Variants in BUB1B observed in about 807,000 individuals in gnomAD.
BUB1B encodes mitotic checkpoint serine/threonine-protein kinase BUB1 beta.
A neutral mutation model predicts 137.7 loss-of-function variants in BUB1B; 86 were observed. That is an observed-to-expected ratio of 0.62 (90% CI 0.52 to 0.75). BUB1B has a LOEUF of 0.75. Ranked by LOEUF, BUB1B falls within the 30% of genes least tolerant of loss-of-function variation. BUB1B has a pLI of 0.00. For synonymous variants in BUB1B, 420 were observed against 417.9 expected (o/e 1.00, Z -0.06); for missense variants, 1,130 against 1,236.9 (o/e 0.91, Z 1.30).
At chr15:40,182,647 A>C (rs1416619394) in intron 5 of BUB1B, among the ~76,000 whole-genome samples, 1 of 152,188 alleles carries the variant, frequency 6.6e-6, no homozygotes, top group Non-Finnish European at 1.5e-5. Flanking sequence ...GCATAGCTCA[A>C]GAGGGAACCT....
intron 1 of BUB1B, among the ~76,000 whole-genome samples, chr15:40,162,147 A>T (rs2037049557): frequency 6.6e-6 from 1 of 152,190 alleles, no homozygotes. Flanking sequence ...CACTGAGGAG[A>T]TGTCACTTTG....
At chr15:40,216,890 T>C (rs1038707257) in intron 20 of BUB1B, among the ~76,000 whole-genome samples, 2 of 151,978 alleles carry the variant, frequency 1.3e-5, no homozygotes. Flanking sequence ...GAAAACAAAA[T>C]TAATTGATAA....
chr15:40,166,234 C>G (rs1043903570), intron 2 of BUB1B: 3 of 336,286 alleles, frequency 8.9e-6, no homozygotes, highest in Non-Finnish European at 1.7e-5. Flanking sequence ...TATTTATTCA[C>G]CAATTGATGA....
In BUB1B at chr15:40,161,123, C is replaced by G; in HGVS notation, c.-98C>G. On this transcript the variant is annotated 5_prime_UTR_variant, in exon 1 of 23. Transcript: ENST00000287598. Reference sequence around the variant, plus strand: ...AGTCGTGTACGTGCCTTGGTCGCTTCTGTAGCTCCGAGGGCAGGTTGCGGA... The same window carrying G: ...AGTCGTGTACGTGCCTTGGTCGCTTGTGTAGCTCCGAGGGCAGGTTGCGGA... The G allele has an allele frequency of 6.6e-7, 1 of 1,516,558 alleles. No homozygotes were observed. Among genetic ancestry groups the G allele is most frequent in the Non-Finnish European group, 9.0e-7 (1 of 1,117,090 alleles). 93.9% of individuals were successfully genotyped at this position (1,516,558 alleles called of 1,614,324 possible). A position where few individuals can be genotyped will look rare whatever the true frequency, so the allele number is the denominator to read the frequency against.
chr15:40,183,599 TCTGCATTCTTCCCCCAGC>T (rs2037322391), intron 5 of BUB1B, 97 bp from the exon 6 acceptor site: 2 of 891,972 alleles, frequency 2.2e-6, no homozygotes, highest in African/African-American at 3.3e-5. Flanking sequence ...TTGGGATATT[TCTGCATTCTTCCCCCAGC>T]CTGCTCTTCT....
chr15:40,208,668 C>T lies in BUB1B; in HGVS notation c.2041C>T (p.His681Tyr), dbSNP rs980772864. Reference sequence around the variant, plus strand: ...TATTGAAGACAGTCGTGAAGCCACACACTCCTCTGGCTTCTCTGGTTCTTC... The same window carrying T: ...TATTGAAGACAGTCGTGAAGCCACATACTCCTCTGGCTTCTCTGGTTCTTC... ...PIIEDSREATHSSGFSGSSAS... is the reference protein window; with the variant it reads ...PIIEDSREATYSSGFSGSSAS... The change falls in exon 16 of 23, where the codon CAC (histidine) becomes TAC (tyrosine). Residue 681 changes from histidine to tyrosine, a missense_variant. Physicochemically the swap from His to Tyr is moderately conservative, Grantham distance 83 (BLOSUM62 2). Transcript: ENST00000287598. 3 of 1,613,724 alleles carry T rather than the reference C, an allele frequency of 1.9e-6. No homozygotes were observed. The highest frequency in any genetic ancestry group is 2.7e-5 in the African/African-American group (2 of 74,912).
At chr15:40,170,720 A>T in intron 4 of BUB1B, 39 bp downstream of exon 4, 1 of 1,600,004 alleles carries the variant, frequency 6.2e-7, no homozygotes. Flanking sequence ...TTTAAATATT[A>T]AACTAAGAGA....
In BUB1B at chr15:40,218,510, C is replaced by T. The variant is rs144464637; in HGVS notation, c.2905C>T (p.Leu969=). The T allele has an allele frequency of 1.9e-6, 3 of 1,614,024 alleles. No individual in the cohort carries two copies. The African/African-American group carries it at 4.0e-5, about 22-fold the overall frequency. The part of the protein sequence containing the change: ...LAHLLLFKEH[L]QVFWDGSFWK... ...ACATTTACTATTGTTCAAGGAACAC[C>T]TACAGGTCTTCTGGGATGGGTCCTT... Residue 969 remains leucine, a synonymous_variant, in exon 22 of 23, where the codon CTA becomes TTA. Transcript: ENST00000287598.
In BUB1B at chr15:40,202,490, G is replaced by T. The variant is rs200513034; in HGVS notation, c.1628+25G>T. ...GGTACGTTGTTTTTTTGTTTTTTTG[G>T]TTTTTTTTTACTTAAGAATTTTCTG... On this transcript the variant is annotated intron_variant, in intron 13 of 22. Coordinates refer to ENST00000287598, the MANE Select transcript of BUB1B (RefSeq NM_001211.6). 181 of 1,595,534 alleles carry T rather than the reference G, an allele frequency of 1.1e-4. No homozygotes were observed. In the East Asian group the frequency reaches 1.8e-3, roughly 16 times the overall value.
At chr15:40,212,704 A>G in intron 19 of BUB1B, 56 bp downstream of exon 19, 4 of 1,533,284 alleles carry the variant, frequency 2.6e-6, no homozygotes, top group Non-Finnish European at 3.6e-6. Context: ...TTTGTGCTCC[A>G]TTTAGCAAAG....
At chr15:40,206,113 G>A in intron 14 of BUB1B, 71 bp from the exon 15 acceptor site, 1 of 1,480,440 alleles carries the variant, frequency 6.8e-7, no homozygotes, top group Non-Finnish European at 9.4e-7. Flanking sequence ...GAGCTAATAT[G>A]TCTCTCTCAG....
At chr15:40,202,917 G>A (rs1456721205) in intron 14 of BUB1B, among the ~76,000 whole-genome samples, 4 of 152,202 alleles carry the variant, frequency 2.6e-5, no homozygotes, top group Non-Finnish European at 4.4e-5. Context: ...AGTAACAAGT[G>A]TTGGCAAAAT....
chr15:40,198,963 C>T (rs2037531424), intron 9 of BUB1B, among the ~76,000 whole-genome samples: 1 of 152,154 alleles, frequency 6.6e-6, no homozygotes, highest in South Asian at 2.1e-4. Context: ...CCTTTACCTA[C>T]CTCTCCAACC....
Position 40,170,121 on chromosome 15 carries a change from G to A in BUB1B, c.239G>A (p.Arg80Lys). 6.2e-7 allele frequency: 1 copy of A among 1,612,302 alleles called. No individual in the cohort carries two copies. Among genetic ancestry groups the A allele is most frequent in the Non-Finnish European group, 8.5e-7 (1 of 1,178,350 alleles). The change falls in exon 3 of 23, where the codon AGG becomes AAG. Residue 80 changes from arginine to lysine, a missense_variant and splice_region_variant. Arg to Lys is a conservative substitution (Grantham distance 26). Transcript: ENST00000287598. ...AATGACCCTCTGGATGTTTGGGATAGGTGGGTCTTTTTATTTCACAAGGAC... is the reference window on the plus strand; with the variant it reads ...AATGACCCTCTGGATGTTTGGGATAAGTGGGTCTTTTTATTTCACAAGGAC... ...TGNDPLDVWDRYISWTEQNYP... is the reference protein window; with the variant it reads ...TGNDPLDVWDKYISWTEQNYP...
intron 17 of BUB1B, 38 bp downstream of exon 17, chr15:40,209,813 A>C (rs2037687628): frequency 2.5e-6 from 4 of 1,609,494 alleles, no homozygotes; most frequent in Non-Finnish European, 3.4e-6. Context: ...GGTTCATGAC[A>C]GTATACAAAT....
intron 4 of BUB1B, chr15:40,174,094 T>G (rs1365285220): frequency 9.2e-6 from 3 of 324,460 alleles, no homozygotes; most frequent in Non-Finnish European, 1.7e-5. Flanking sequence ...TCTTAAGTGA[T>G]CTTATTCAGC....
At chr15:40,207,377 G>T (rs1349190584) in intron 15 of BUB1B, among the ~76,000 whole-genome samples, 2 of 152,088 alleles carry the variant, frequency 1.3e-5, no homozygotes, top group Non-Finnish European at 2.9e-5. Flanking sequence ...GCTGAGGGAG[G>T]CGGATCATTT....
At chr15:40,173,901 C>A in intron 4 of BUB1B, 1 of 393,662 alleles carries the variant, frequency 2.5e-6, no homozygotes, top group Non-Finnish European at 4.9e-6. Context: ...TTTCTCCAGT[C>A]AGTTATTTTA....
intron 2 of BUB1B, among the ~76,000 whole-genome samples, chr15:40,167,264 T>C (rs111234690): frequency 1.9e-3 from 282 of 151,296 alleles, no homozygotes; most frequent in African/African-American, 6.6e-3. Flanking sequence ...ATTTTTTGTG[T>C]CCTCTTCAGG....
Sources: gnomAD v4.1 joint callset for allele counts (sites outside exome capture counted in the v4.1 genomes callset) on GRCh38, gnomAD v4.1.1 for gene constraint, MANE v1.5 for transcripts, NCBI Gene and HGNC (gene_info 2026-07-23, HGNC 2026-07-21) for gene names.